The following PTPRK variants were observed in gnomAD, a reference collection of about 807,000 sequenced individuals.
PTPRK encodes receptor-type tyrosine-protein phosphatase kappa.
PTPRK carries 75 observed loss-of-function variants against 178.0 expected under a neutral mutation model. That is an observed-to-expected ratio of 0.42 (90% CI 0.35 to 0.51). The LOEUF (loss-of-function observed/expected upper bound fraction) is 0.51. Ranked by LOEUF, PTPRK falls within the 20% of genes least tolerant of loss-of-function variation. The pLI is 0.02. For missense variants in PTPRK, 1,441 were observed against 1,797.8 expected, an observed-to-expected ratio of 0.80 and a Z score of 3.59; for synonymous variants, 637 against 620.6, an observed-to-expected ratio of 1.03 and a Z score of -0.39.
intron 3 of PTPRK, among the ~76,000 whole-genome samples, chr6:128,298,176 C>T (rs1476500194): frequency 5.3e-5 from 8 of 152,106 alleles, no homozygotes; most frequent in Admixed American, 5.2e-4. Flanking sequence ...AAGACTAAAA[C>T]AGGAAGAAGT....
At chr6:128,391,534 C>A (rs577730325) in intron 2 of PTPRK, among the ~76,000 whole-genome samples, 1 of 152,244 alleles carries the variant, frequency 6.6e-6, no homozygotes, top group East Asian at 1.9e-4. Flanking sequence ...CATGTTTTGT[C>A]TCTGGAAGAT....
At chr6:128,286,268 A>C (rs369294260) in intron 3 of PTPRK, among the ~76,000 whole-genome samples, 5 of 152,124 alleles carry the variant, frequency 3.3e-5, no homozygotes, top group African/African-American at 1.2e-4. Flanking sequence ...GTGCGTTTAT[A>C]GTTTTCATCA....
At chr6:128,164,308 T>C (rs1799091124) in intron 7 of PTPRK, among the ~76,000 whole-genome samples, 1 of 151,430 alleles carries the variant, frequency 6.6e-6, no homozygotes, top group African/African-American at 2.4e-5. Context: ...ATGTCTACTA[T>C]TCATGAATAA....
intron 13 of PTPRK, among the ~76,000 whole-genome samples, chr6:128,020,879 A>C (rs1426945038): frequency 2.0e-5 from 3 of 152,126 alleles, no homozygotes; most frequent in Non-Finnish European, 2.9e-5. Flanking sequence ...TAATTCCTTA[A>C]TCTGGCATAT....
chr6:127,988,610 A>C (rs1776241830), intron 21 of PTPRK, among the ~76,000 whole-genome samples: 2 of 152,046 alleles, frequency 1.3e-5, no homozygotes, highest in Admixed American at 1.3e-4. Flanking sequence ...ATTTGTCAGA[A>C]AATCCGTGTC....
At chr6:128,183,285 C>T (rs927765864) in intron 7 of PTPRK, among the ~76,000 whole-genome samples, 1 of 152,026 alleles carries the variant, frequency 6.6e-6, no homozygotes. Flanking sequence ...CACATGACCT[C>T]GATTGAAAGG....
intron 1 of PTPRK, among the ~76,000 whole-genome samples, chr6:128,491,222 G>C (rs1203637074): frequency 2.0e-5 from 3 of 152,224 alleles, no homozygotes; most frequent in African/African-American, 7.2e-5. Context: ...ACAAATCACA[G>C]CATCAAGTGG....
At chr6:128,448,071 C>G (rs1847265852) in intron 1 of PTPRK, among the ~76,000 whole-genome samples, 2 of 152,186 alleles carry the variant, frequency 1.3e-5, no homozygotes, top group African/African-American at 4.8e-5. Flanking sequence ...GTCTTGTTCA[C>G]ATGGCCAGCC....
Position 128,192,808 on chromosome 6 carries a change from C to A in PTPRK, c.869-8083G>T, listed in dbSNP as rs567573774. ...CTCCAGTGTGGGCAACAGAATGAGA[C>A]CCTATATCAGAAAAAGGGAAGGGAA... On this transcript the variant is annotated intron_variant, in intron 6 of 29. Coordinates refer to ENST00000368226, the MANE Select transcript of PTPRK (RefSeq NM_002844.4). Among the ~76,000 whole-genome samples, 5 of 144,876 alleles carry A rather than the reference C, an allele frequency of 3.5e-5. No individual in the cohort carries two copies. The South Asian group carries it at 6.5e-4, about 19-fold the overall frequency.
chr6:128,038,708 C>T (rs1776651800), intron 13 of PTPRK, among the ~76,000 whole-genome samples: 1 of 152,090 alleles, frequency 6.6e-6, no homozygotes, highest in African/African-American at 2.4e-5. Flanking sequence ...AAGGAGCAGC[C>T]ATCAATAAAA....
At chr6:128,431,104 A>G (rs1419260327) in intron 1 of PTPRK, among the ~76,000 whole-genome samples, 2 of 151,680 alleles carry the variant, frequency 1.3e-5, no homozygotes, top group East Asian at 3.9e-4. Flanking sequence ...ATGCCCGGCT[A>G]ATTTTTGTAT....
intron 1 of PTPRK, among the ~76,000 whole-genome samples, chr6:128,484,003 G>A (rs1220765693): frequency 2.0e-5 from 3 of 151,502 alleles, no homozygotes; most frequent in Non-Finnish European, 4.4e-5. Context: ...TCCCCTCTTC[G>A]TGGTTCTGTT....
chr6:127,998,453 T>A (rs1303081699), intron 16 of PTPRK, among the ~76,000 whole-genome samples: 1 of 152,040 alleles, frequency 6.6e-6, no homozygotes, highest in Non-Finnish European at 1.5e-5. Context: ...TGTTTTTTTT[T>A]AATACCATAG....
At chr6:128,243,272 A>G (rs9402031) in intron 3 of PTPRK, among the ~76,000 whole-genome samples, 12,428 of 151,462 alleles carry the variant, frequency 0.082, 1,225 homozygotes, top group East Asian at 0.31. Flanking sequence ...GAATGTTAAG[A>G]AAAAAAAAGT....
At chr6:128,353,983 T>A (rs886706344) in intron 2 of PTPRK, among the ~76,000 whole-genome samples, 7 of 152,088 alleles carry the variant, frequency 4.6e-5, no homozygotes, top group African/African-American at 1.7e-4. Context: ...GGAAAATGGA[T>A]AAAGGGACAC....
rs1254869114 is a variant in PTPRK, at chr6:128,319,201, C to T, written c.495+2838G>A. On this transcript the variant is annotated intron_variant, in intron 3 of 29. Transcript: ENST00000368226. Reference sequence around the variant, plus strand: ...CTAGTCTCATTTCTACTTGAAATTACTTCAGAAACTAAACTATCTTTTGTT... The same window carrying T: ...CTAGTCTCATTTCTACTTGAAATTATTTCAGAAACTAAACTATCTTTTGTT... Among the ~76,000 whole-genome samples the T allele has an allele frequency of 2.6e-5, 4 of 152,158 alleles. No homozygotes were observed. The East Asian group carries it at 7.7e-4, about 29-fold the overall frequency.
intron 5 of PTPRK, among the ~76,000 whole-genome samples, chr6:128,236,490 A>T (rs1188814437): frequency 6.6e-6 from 1 of 151,650 alleles, no homozygotes; most frequent in Non-Finnish European, 1.5e-5. Flanking sequence ...CTGGGACTAG[A>T]TGCGCGCACC....
At chr6:128,279,940 T>G (rs1821410154) in intron 3 of PTPRK, among the ~76,000 whole-genome samples, 1 of 152,176 alleles carries the variant, frequency 6.6e-6, no homozygotes, top group South Asian at 2.1e-4. Context: ...GGCAGTAAAG[T>G]CTTTGTTAAT....
intron 4 of PTPRK, 139 bp downstream of exon 4, chr6:128,242,382 T>G (rs1319950822): frequency 8.5e-7 from 1 of 1,169,900 alleles, no homozygotes; most frequent in Non-Finnish European, 1.1e-6. Flanking sequence ...CAGTTTCCTT[T>G]TAAAACTCAA....
Sources: allele counts gnomAD v4.1 joint callset (sites outside exome capture counted in the v4.1 genomes callset), GRCh38; gene constraint gnomAD v4.1.1; transcripts MANE v1.5; gene names NCBI Gene and HGNC (gene_info 2026-07-23, HGNC 2026-07-21).